The following CXCL13 variants were observed in gnomAD, a reference collection of about 807,000 sequenced individuals.
CXCL13 encodes the protein C-X-C motif chemokine 13.
CXCL13 carries 7 observed loss-of-function variants against 12.2 expected under a neutral mutation model. That is an observed-to-expected ratio of 0.57 (90% CI 0.33 to 1.07). The LOEUF (loss-of-function observed/expected upper bound fraction) is 1.07. Among genes scored for constraint, CXCL13 ranks in the 50% least tolerant of loss-of-function variants. The pLI is 0.04. For missense variants in CXCL13, 113 were observed against 127.4 expected (o/e 0.89, Z 0.55); for synonymous variants, 47 against 42.4 (o/e 1.11, Z -0.42).
At chr4:77,550,200 G>A (rs1054007551) in intron 1 of CXCL13, among the ~76,000 whole-genome samples, 1 of 152,218 alleles carries the variant, frequency 6.6e-6, no homozygotes, top group Non-Finnish European at 1.5e-5. Context: ...CATTGGAAAG[G>A]CATGTTATTA....
intron 1 of CXCL13, among the ~76,000 whole-genome samples, chr4:77,517,962 C>T (rs189276677): frequency 5.3e-5 from 8 of 152,240 alleles, no homozygotes; most frequent in South Asian, 2.1e-4. Context: ...TTCCTTTCCA[C>T]GTTTAGTGCT....
intron 1 of CXCL13, among the ~76,000 whole-genome samples, chr4:77,566,582 G>C (rs1463384713): frequency 6.6e-6 from 1 of 151,716 alleles, no homozygotes; most frequent in Non-Finnish European, 1.5e-5. Flanking sequence ...AAAAATCCTT[G>C]AGGTGCAAAA....
chr4:77,559,567 T>C (rs1315328444), intron 1 of CXCL13, among the ~76,000 whole-genome samples: 1 of 151,940 alleles, frequency 6.6e-6, no homozygotes, highest in Non-Finnish European at 1.5e-5. Context: ...CACCTCTTTC[T>C]TCCATTCAAG....
At chr4:77,573,051 G>A (rs573930001) in intron 1 of CXCL13, among the ~76,000 whole-genome samples, 5 of 151,818 alleles carry the variant, frequency 3.3e-5, no homozygotes, top group African/African-American at 4.9e-5. Context: ...ACATGGACAC[G>A]TAGAGGGAAA....
intron 1 of CXCL13, among the ~76,000 whole-genome samples, chr4:77,521,763 T>A (rs1724607162): frequency 6.6e-6 from 1 of 152,210 alleles, no homozygotes; most frequent in East Asian, 1.9e-4. Context: ...CTTTTGAATT[T>A]GTTTGCTCTT....
chr4:77,599,701 A>G (rs540097081), intron 1 of CXCL13, among the ~76,000 whole-genome samples: 1 of 152,224 alleles, frequency 6.6e-6, no homozygotes, highest in Non-Finnish European at 1.5e-5. Flanking sequence ...ACCAGGATCC[A>G]CTAAGGACTT....
intron 1 of CXCL13, among the ~76,000 whole-genome samples, chr4:77,529,411 G>A (rs1328590941): frequency 2.0e-5 from 3 of 152,328 alleles, no homozygotes; most frequent in African/African-American, 7.2e-5. Flanking sequence ...CTACCCATGA[G>A]CATGGAATAT....
In CXCL13 at chr4:77,611,645, G is replaced by A. The variant is rs1727158891; in HGVS notation, c.*606G>A. ...CCCCAGACTTCATAGAATACTCAGGGAAAGCATTTAAAGGGTGATGTACAC... is the reference window on the plus strand; with the variant it reads ...CCCCAGACTTCATAGAATACTCAGGAAAAGCATTTAAAGGGTGATGTACAC... On this transcript the variant is annotated 3_prime_UTR_variant, in exon 4 of 4. Coordinates refer to ENST00000682537, the MANE Select transcript of CXCL13 (RefSeq NM_001371558.1). The A allele has an allele frequency of 7.6e-6, 3 of 394,578 alleles. No individual in the cohort carries two copies. Among genetic ancestry groups the A allele is most frequent in the African/African-American group, 2.1e-5 (1 of 48,366 alleles). 24.4% of individuals were successfully genotyped at this position (394,578 alleles called of 1,614,324 possible). A position where few individuals can be genotyped will look rare whatever the true frequency, so the allele number is the denominator to read the frequency against.
In CXCL13 at chr4:77,543,558, C is replaced by T. The variant is rs185535297; in HGVS notation, c.-43+31770C>T. The stretch of plus-strand genomic sequence containing the variant: ...CAGAGATTTTCATTGTGTCTCTGTC[C>T]ATCTTTATTTATTTCAGAGAATTTT... On this transcript the variant is annotated intron_variant, in intron 1 of 4. Transcript: ENST00000286758. 3.6e-3 allele frequency among the ~76,000 whole-genome samples: 540 copies of T among 151,964 alleles called. 2 individuals are homozygous for T. The highest frequency in any genetic ancestry group is 0.012 in the African/African-American group (484 of 41,432).
chr4:77,573,967 C>A (rs1578060568), intron 1 of CXCL13, among the ~76,000 whole-genome samples: 1 of 151,872 alleles, frequency 6.6e-6, no homozygotes, highest in Admixed American at 6.6e-5. Flanking sequence ...TAAGTCATAA[C>A]CTTAAGGCTT....
chr4:77,551,783 T>C (rs570921274), intron 1 of CXCL13, among the ~76,000 whole-genome samples: 52 of 152,078 alleles, frequency 3.4e-4, no homozygotes, highest in African/African-American at 1.2e-3. Flanking sequence ...TTGTTTATTT[T>C]TTAAATTCTT....
chr4:77,553,006 C>T (rs1046499546), intron 1 of CXCL13, among the ~76,000 whole-genome samples: 1 of 152,152 alleles, frequency 6.6e-6, no homozygotes, highest in African/African-American at 2.4e-5. Context: ...GCTGCTGGTC[C>T]AGGCAAGGGG....
At chr4:77,542,568 T>C (rs532503643) in intron 1 of CXCL13, among the ~76,000 whole-genome samples, 46 of 152,240 alleles carry the variant, frequency 3.0e-4, no homozygotes, top group African/African-American at 1.0e-3. Flanking sequence ...TCTCCAATAC[T>C]GGGGATTACA....
At chr4:77,530,171 A>G (rs990975492) in intron 1 of CXCL13, among the ~76,000 whole-genome samples, 7 of 152,138 alleles carry the variant, frequency 4.6e-5, no homozygotes, top group East Asian at 1.9e-4. Context: ...TTCTGGATTC[A>G]GTTTGCCAGT....
chr4:77,539,732 G>A (rs1435543378), intron 1 of CXCL13, among the ~76,000 whole-genome samples: 1 of 152,150 alleles, frequency 6.6e-6, no homozygotes, highest in East Asian at 1.9e-4. Context: ...CCAGTTTCAG[G>A]TGTTTATATT....
intron 1 of CXCL13, among the ~76,000 whole-genome samples, chr4:77,518,201 G>T (rs939673066): frequency 1.3e-5 from 2 of 152,172 alleles, no homozygotes; most frequent in African/African-American, 4.8e-5. Flanking sequence ...TGGGTAACCC[G>T]ACCTTTCTCT....
intron 1 of CXCL13, among the ~76,000 whole-genome samples, chr4:77,583,673 A>C (rs1271907007): frequency 6.6e-6 from 1 of 152,110 alleles, no homozygotes. Flanking sequence ...CTTTGTTGTC[A>C]CTTCACCAAT....
chr4:77,557,837 C>A (rs564303297), intron 1 of CXCL13, among the ~76,000 whole-genome samples: 4 of 152,298 alleles, frequency 2.6e-5, no homozygotes, highest in African/African-American at 9.6e-5. Context: ...GTGGGCTTTC[C>A]AGCCTTACAC....
chr4:77,607,970 T>C, intron 2 of CXCL13, 135 bp downstream of exon 2: 1 of 891,730 alleles, frequency 1.1e-6, no homozygotes, highest in East Asian at 2.6e-5. Flanking sequence ...AAACTAATAA[T>C]GAAAATTGTT....
Sources: allele counts gnomAD v4.1 joint callset (sites outside exome capture counted in the v4.1 genomes callset), GRCh38; gene constraint gnomAD v4.1.1; transcripts MANE v1.5; gene names NCBI Gene and HGNC (gene_info 2026-07-23, HGNC 2026-07-21).